The following HSPBAP1 variants were observed in gnomAD, a reference collection of about 807,000 sequenced individuals.
HSPBAP1 encodes HSPB1 associated protein 1, also known as HSPB1-associated protein 1.
Under a neutral mutation model 45.2 loss-of-function variants are expected in HSPBAP1, and 27 were observed. The ratio of observed to expected loss-of-function variants is 0.60; its 90% CI spans 0.44 to 0.82. HSPBAP1 has a LOEUF of 0.82. HSPBAP1 is among the 40% of genes least tolerant of loss of function. The pLI is 0.00. For synonymous variants in HSPBAP1, 204 were observed against 202.7 expected (o/e 1.01, Z -0.06); for missense variants, 510 against 590.9 (o/e 0.86, Z 1.42).
chr3:122,768,614 G>T, intron 3 of HSPBAP1, 87 bp downstream of exon 3: 1 of 835,244 alleles, frequency 1.2e-6, no homozygotes. Flanking sequence ...AGAGAAAAAG[G>T]CAGAGAAGGT....
In HSPBAP1 at chr3:122,754,905, T is replaced by C. The variant is rs1001859653; in HGVS notation, c.741+355A>G. On this transcript the variant is annotated intron_variant, in intron 5 of 7. Coordinates refer to ENST00000306103, the MANE Select transcript of HSPBAP1 (RefSeq NM_024610.6). ...TTCAGTGCTATCATAATTGAACAGA[T>C]ACTAACTGTGATTAAATGTTCCAGA... The C allele has an allele frequency of 1.6e-5, 16 of 1,004,984 alleles. No homozygotes were observed. The South Asian group carries it at 3.7e-4, about 23-fold the overall frequency. The allele number at this position is 1,004,984 out of a possible 1,614,324, so 62.3% of individuals were successfully genotyped here. A position where few individuals can be genotyped will look rare whatever the true frequency, so the allele number is the denominator to read the frequency against.
At chr3:122,743,538 C>T (rs1363411951) in intron 6 of HSPBAP1, among the ~76,000 whole-genome samples, 1 of 152,018 alleles carries the variant, frequency 6.6e-6, no homozygotes, top group Non-Finnish European at 1.5e-5. Context: ...TGCACTCCAG[C>T]CTGGGCAACA....
intron 5 of HSPBAP1, 135 bp from the exon 6 acceptor site, chr3:122,752,809 A>T: frequency 7.2e-7 from 1 of 1,394,480 alleles, no homozygotes. Flanking sequence ...GAGAAAAGTA[A>T]AGTAAGAAAA....
chr3:122,770,488 C>G (rs1014767513), intron 2 of HSPBAP1, among the ~76,000 whole-genome samples: 1 of 152,060 alleles, frequency 6.6e-6, no homozygotes, highest in African/African-American at 2.4e-5. Flanking sequence ...TACTTGAGCC[C>G]AGGAGTTTGA....
chr3:122,743,094 T>G (rs1260469442), intron 6 of HSPBAP1, among the ~76,000 whole-genome samples: 1 of 152,218 alleles, frequency 6.6e-6, no homozygotes, highest in African/African-American at 2.4e-5. Flanking sequence ...TTAGATTCAT[T>G]ATATACCATA....
chr3:122,757,918 A>T (rs1365261685), intron 4 of HSPBAP1, among the ~76,000 whole-genome samples: 1 of 152,216 alleles, frequency 6.6e-6, no homozygotes, highest in Non-Finnish European at 1.5e-5. Flanking sequence ...CTCCACAAGG[A>T]TAGAGACCAC....
chr3:122,768,415 A>C (rs1576257910), intron 3 of HSPBAP1, among the ~76,000 whole-genome samples: 1 of 152,208 alleles, frequency 6.6e-6, no homozygotes, highest in Non-Finnish European at 1.5e-5. Context: ...TTTATACACA[A>C]TCTATGCTTC....
chr3:122,744,379 G>A (rs1473887246), intron 6 of HSPBAP1, among the ~76,000 whole-genome samples: 1 of 152,190 alleles, frequency 6.6e-6, no homozygotes, highest in Non-Finnish European at 1.5e-5. Flanking sequence ...AGTTATATAA[G>A]TATGGTAGGC....
intron 2 of HSPBAP1, among the ~76,000 whole-genome samples, chr3:122,771,563 A>G (rs1037446113): frequency 2.0e-5 from 3 of 152,220 alleles, no homozygotes; most frequent in African/African-American, 7.2e-5. Flanking sequence ...TCATCATTTT[A>G]CAAATAAGAA....
chr3:122,789,225 C>T (rs550834434), intron 1 of HSPBAP1, among the ~76,000 whole-genome samples: 1 of 152,240 alleles, frequency 6.6e-6, no homozygotes, highest in African/African-American at 2.4e-5. Context: ...AAAATCAATT[C>T]CATACAACTC....
intron 2 of HSPBAP1, among the ~76,000 whole-genome samples, chr3:122,773,303 GTTTT>G (rs36065763): frequency 0.059 from 5,001 of 84,560 alleles, 68 homozygotes; most frequent in Middle Eastern, 0.13. Context: ...AAATAAATGT[GTTTT>G]TTTTTTTTTT....
At chr3:122,792,839 C>A (rs1249803793) in intron 1 of HSPBAP1, among the ~76,000 whole-genome samples, 2 of 151,242 alleles carry the variant, frequency 1.3e-5, no homozygotes, top group African/African-American at 4.9e-5. Context: ...CCACTGCACT[C>A]CAGCCTGGTG....
At chr3:122,752,205 T>G (rs754196182) in intron 6 of HSPBAP1, among the ~76,000 whole-genome samples, 2 of 152,182 alleles carry the variant, frequency 1.3e-5, no homozygotes, top group Non-Finnish European at 1.5e-5. Flanking sequence ...CAATTAGTAA[T>G]GACCCTGAAC....
chr3:122,782,597 CAA>C (rs1042838007), intron 1 of HSPBAP1, among the ~76,000 whole-genome samples: 1 of 152,034 alleles, frequency 6.6e-6, no homozygotes, highest in Non-Finnish European at 1.5e-5. Context: ...AAAGGATTCT[CAA>C]GAGATCAGGA....
At chr3:122,767,156 T>G (rs1171709388) in intron 3 of HSPBAP1, among the ~76,000 whole-genome samples, 1 of 152,238 alleles carries the variant, frequency 6.6e-6, no homozygotes, top group Non-Finnish European at 1.5e-5. Context: ...GATTTGGTAT[T>G]GACTTTGAAT....
chr3:122,781,373 C>T (rs1935463476), intron 1 of HSPBAP1, among the ~76,000 whole-genome samples: 1 of 152,216 alleles, frequency 6.6e-6, no homozygotes, highest in South Asian at 2.1e-4. Context: ...GCCAACACAG[C>T]GAAACCCCGT....
At chr3:122,746,312 C>A (rs1342358345) in intron 6 of HSPBAP1, among the ~76,000 whole-genome samples, 1 of 139,292 alleles carries the variant, frequency 7.2e-6, no homozygotes, top group African/African-American at 2.6e-5. Flanking sequence ...TTTTTTTTTT[C>A]CTAAAGCTAG....
At chr3:122,754,851 G>A (rs929036818) in intron 5 of HSPBAP1, 2 of 989,246 alleles carry the variant, frequency 2.0e-6, no homozygotes, top group African/African-American at 3.5e-5. Context: ...ACACCTGGAG[G>A]CATTCCGACC....
In HSPBAP1 at chr3:122,768,847, C is replaced by T. The variant is rs776172069; in HGVS notation, c.286G>A (p.Ala96Thr). Residue 96 changes from alanine (A) to threonine (T), a missense_variant, in exon 3 of 8, where the codon GCT becomes ACT. Transcript: ENST00000306103. ...CAGGTCAGAAACTCTTCGAGTGTAG[C>T]TTCTACGTAATTACATGTAGTTTCA... ...QFETTCNYVE[A>T]TLEEFLTWNC... is the part of the protein sequence containing the mutation. The T allele has an allele frequency of 7.4e-6, 12 of 1,612,540 alleles. No homozygotes were observed. The African/African-American group carries it at 1.5e-4, about 20-fold the overall frequency.
Sources: gnomAD v4.1 joint callset for allele counts (sites outside exome capture counted in the v4.1 genomes callset) on GRCh38, gnomAD v4.1.1 for gene constraint, MANE v1.5 for transcripts, NCBI Gene and HGNC (gene_info 2026-07-23, HGNC 2026-07-21) for gene names.